Variants in HLCS observed in about 807,000 individuals in gnomAD.
HLCS encodes biotin--protein ligase.
Under a neutral mutation model 75.0 loss-of-function variants are expected in HLCS, and 53 were observed. The ratio of observed to expected loss-of-function variants is 0.71; its 90% confidence interval spans 0.57 to 0.89. The LOEUF (loss-of-function observed/expected upper bound fraction) is 0.89, where lower values mean the gene tolerates loss of function less well. Among genes scored for constraint, HLCS ranks in the 40% least tolerant of loss-of-function variants. The pLI is 0.00. For synonymous variants in HLCS, 431 were observed against 428.6 expected (o/e 1.01, Z -0.07); for missense variants, 966 against 1,074.0 (o/e 0.90, Z 1.41).
At chr21:36,788,217 G>T (rs1393023270) in intron 6 of HLCS, among the ~76,000 whole-genome samples, 1 of 152,168 alleles carries the variant, frequency 6.6e-6, no homozygotes, top group Admixed American at 6.5e-5. Context: ...TGTCCCTAAG[G>T]GGCACGTGCC....
chr21:36,821,987 G>A (rs2061856167), intron 6 of HLCS, among the ~76,000 whole-genome samples: 1 of 152,132 alleles, frequency 6.6e-6, no homozygotes, highest in Admixed American at 6.5e-5. Context: ...GAGACATCAG[G>A]TGGCCTCTGA....
At chr21:36,760,188 G>T (rs2089776522) in intron 8 of HLCS, among the ~76,000 whole-genome samples, 1 of 152,094 alleles carries the variant, frequency 6.6e-6, no homozygotes, top group South Asian at 2.1e-4. Context: ...GCTAACTAAC[G>T]TGCTAGGGCC....
At chr21:36,826,354 C>G (rs2062008581) in intron 6 of HLCS, among the ~76,000 whole-genome samples, 1 of 152,110 alleles carries the variant, frequency 6.6e-6, no homozygotes, top group Non-Finnish European at 1.5e-5. Flanking sequence ...ACGTGGATCT[C>G]CAGAGTTCAG....
intron 6 of HLCS, among the ~76,000 whole-genome samples, chr21:36,820,952 G>A (rs1422834529): frequency 1.3e-5 from 2 of 152,252 alleles, no homozygotes; most frequent in Non-Finnish European, 2.9e-5. Context: ...TGCAGACTGG[G>A]AGGCGACTTC....
intron 6 of HLCS, among the ~76,000 whole-genome samples, chr21:36,839,044 G>A (rs1264104192): frequency 6.6e-6 from 1 of 152,226 alleles, no homozygotes; most frequent in African/African-American, 2.4e-5. Flanking sequence ...AATTTTTGGA[G>A]CAGCAAAGGA....
At chr21:36,951,482 C>T (rs1047887016) in intron 2 of HLCS, among the ~76,000 whole-genome samples, 1 of 152,114 alleles carries the variant, frequency 6.6e-6, no homozygotes, top group African/African-American at 2.4e-5. Flanking sequence ...TAAGTAGGTC[C>T]CCCCCATAAT....
chr21:36,875,681 C>T (rs990956254), intron 6 of HLCS, among the ~76,000 whole-genome samples: 2 of 152,246 alleles, frequency 1.3e-5, no homozygotes, highest in African/African-American at 4.8e-5. Flanking sequence ...CTCAATGAAG[C>T]TTCTCTCTGC....
intron 6 of HLCS, among the ~76,000 whole-genome samples, chr21:36,867,221 A>C (rs1439241623): frequency 1.3e-5 from 2 of 152,244 alleles, no homozygotes; most frequent in African/African-American, 4.8e-5. Context: ...GTTCTCAGAG[A>C]AAAACAACAG....
chr21:36,798,537 G>A (rs963685904), intron 6 of HLCS, among the ~76,000 whole-genome samples: 1 of 152,196 alleles, frequency 6.6e-6, no homozygotes, highest in Non-Finnish European at 1.5e-5. Flanking sequence ...CTGATTGACT[G>A]ACTGATTGAT....
intron 6 of HLCS, among the ~76,000 whole-genome samples, chr21:36,854,308 A>G (rs2063112787): frequency 6.6e-6 from 1 of 152,202 alleles, no homozygotes; most frequent in Non-Finnish European, 1.5e-5. Flanking sequence ...TCACTGCTAT[A>G]ATGGCACCCT....
intron 2 of HLCS, among the ~76,000 whole-genome samples, chr21:36,957,344 G>A (rs951169569): frequency 6.6e-6 from 1 of 152,114 alleles, no homozygotes; most frequent in Non-Finnish European, 1.5e-5. Flanking sequence ...TTTCTGCCAT[G>A]ACTGTTCCTC....
At chr21:36,838,298 T>TCACACACA (rs148428941) in intron 6 of HLCS, among the ~76,000 whole-genome samples, 4,747 of 127,300 alleles carry the variant, frequency 0.037, 140 homozygotes, top group East Asian at 0.15. Context: ...GGGTGAATGA[T>TCACACACA]CACACACACA....
chr21:36,966,811 CGG>C (rs774480322), upstream of HLCS, among the ~76,000 whole-genome samples: 1 of 30,646 alleles, frequency 3.3e-5, no homozygotes, highest in Admixed American at 3.9e-4. Context: ...GAGGCTGCGG[CGG>C]GAGGGGCGGG....
intron 6 of HLCS, among the ~76,000 whole-genome samples, chr21:36,775,495 T>G (rs567419125): frequency 6.6e-6 from 1 of 152,324 alleles, no homozygotes; most frequent in East Asian, 1.9e-4. Context: ...AGAGAAATAT[T>G]CATGGTGCCC....
At chr21:36,873,175 TG>T (rs2063831743) in intron 6 of HLCS, among the ~76,000 whole-genome samples, 1 of 152,092 alleles carries the variant, frequency 6.6e-6, no homozygotes, top group Non-Finnish European at 1.5e-5. Context: ...TGGAGTACAG[TG>T]GCACAATCTC....
intron 6 of HLCS, among the ~76,000 whole-genome samples, chr21:36,850,631 C>T (rs1349366356): frequency 6.6e-6 from 1 of 152,192 alleles, no homozygotes; most frequent in Admixed American, 6.5e-5. Flanking sequence ...CTCCCAGTTC[C>T]CTTCCTTGTG....
chr21:36,797,881 G>T (rs756793964), intron 6 of HLCS, among the ~76,000 whole-genome samples: 4 of 152,172 alleles, frequency 2.6e-5, no homozygotes, highest in Non-Finnish European at 4.4e-5. Context: ...TCTAGAGACC[G>T]AGAAATACAG....
intron 2 of HLCS, chr21:36,947,742 G>A (rs1446215255): frequency 4.1e-6 from 4 of 979,950 alleles, no homozygotes; most frequent in African/African-American, 3.5e-5. Flanking sequence ...GAAGCAGTCC[G>A]GGAGTGAAAG....
intron 6 of HLCS, among the ~76,000 whole-genome samples, chr21:36,850,480 C>T (rs1371121324): frequency 1.3e-5 from 2 of 152,176 alleles, no homozygotes; most frequent in Non-Finnish European, 2.9e-5. Context: ...ATCCTGCACC[C>T]CCAAGCCCCA....
Sources: gnomAD v4.1 joint callset for allele counts (sites outside exome capture counted in the v4.1 genomes callset) on GRCh38, gnomAD v4.1.1 for gene constraint, MANE v1.5 for transcripts, NCBI Gene and HGNC (gene_info 2026-07-23, HGNC 2026-07-21) for gene names.